The following DCDC2 variants were observed in gnomAD, a reference collection of about 807,000 sequenced individuals.
DCDC2 encodes doublecortin domain containing 2.
In DCDC2, 40 loss-of-function variants were observed where a neutral mutation model predicts 50.2. The observed-to-expected ratio is 0.80, with a 90% CI of 0.62 to 1.04. The LOEUF (loss-of-function observed/expected upper bound fraction) is 1.04, where lower values mean the gene tolerates loss of function less well. DCDC2 is among the 50% of genes least tolerant of loss of function. The pLI is 0.00. For synonymous variants in DCDC2, 234 were observed against 210.6 expected (o/e 1.11, Z -0.96); for missense variants, 570 against 581.9 (o/e 0.98, Z 0.21).
chr6:24,353,775 T>C (rs1008908121), intron 1 of DCDC2, 152 bp from the exon 2 acceptor site: 6 of 532,058 alleles, frequency 1.1e-5, no homozygotes, highest in Non-Finnish European at 2.0e-5. Context: ...GCAATTACAA[T>C]AGTAAAAACT....
chr6:24,359,686 C>T (rs1018856482), upstream of DCDC2, among the ~76,000 whole-genome samples: 2 of 148,664 alleles, frequency 1.3e-5, no homozygotes, highest in African/African-American at 2.5e-5. Context: ...CACTTGAGCC[C>T]GGGAGTTTGA....
intron 8 of DCDC2, among the ~76,000 whole-genome samples, chr6:24,204,639 T>A (rs1761668926): frequency 6.6e-6 from 1 of 152,136 alleles, no homozygotes; most frequent in Non-Finnish European, 1.5e-5. Flanking sequence ...TTTTTAAAAA[T>A]GCTTTTCTAA....
chr6:24,291,721 G>A (rs937655422), intron 4 of DCDC2, among the ~76,000 whole-genome samples: 351 of 151,890 alleles, frequency 2.3e-3, no homozygotes, highest in Non-Finnish European at 3.7e-3. Flanking sequence ...TCCTGACCTC[G>A]TGATCCGCCC....
intron 7 of DCDC2, among the ~76,000 whole-genome samples, chr6:24,261,194 C>A (rs1214354086): frequency 1.6e-5 from 2 of 128,620 alleles, no homozygotes; most frequent in East Asian, 5.2e-4. Flanking sequence ...ATTTTAAATC[C>A]ATTTTCTTGC....
At chr6:24,340,917 G>A (rs1760142541) in intron 2 of DCDC2, among the ~76,000 whole-genome samples, 2 of 152,074 alleles carry the variant, frequency 1.3e-5, no homozygotes, top group East Asian at 1.9e-4. Context: ...GTAGAGATAG[G>A]GTTTCATCAT....
At chr6:24,219,928 C>T (rs1762062081) in intron 7 of DCDC2, among the ~76,000 whole-genome samples, 1 of 152,196 alleles carries the variant, frequency 6.6e-6, no homozygotes, top group Admixed American at 6.5e-5. Flanking sequence ...CCAGAACTTG[C>T]TTCCGAGGAG....
intron 8 of DCDC2, among the ~76,000 whole-genome samples, chr6:24,197,683 G>A (rs1761477690): frequency 6.6e-6 from 1 of 152,180 alleles, no homozygotes; most frequent in Non-Finnish European, 1.5e-5. Flanking sequence ...GAAAATGCCT[G>A]TGGAATCATC....
intron 6 of DCDC2, among the ~76,000 whole-genome samples, chr6:24,287,986 G>A (rs374281160): frequency 3.6e-4 from 54 of 152,094 alleles, no homozygotes; most frequent in South Asian, 8.3e-4. Context: ...TGCTGAGTTC[G>A]GCACTACTTA....
intron 2 of DCDC2, among the ~76,000 whole-genome samples, chr6:24,314,633 T>G (rs1009696031): frequency 9.9e-5 from 15 of 152,160 alleles, no homozygotes; most frequent in African/African-American, 3.6e-4. Flanking sequence ...ATAGGAATCT[T>G]CTCATAACTG....
chr6:24,276,430 A>G (rs1763358715), intron 7 of DCDC2, among the ~76,000 whole-genome samples: 1 of 147,254 alleles, frequency 6.8e-6, no homozygotes, highest in Admixed American at 6.9e-5. Flanking sequence ...AAAAAAAATG[A>G]AAAGTTTAAG....
intron 8 of DCDC2, among the ~76,000 whole-genome samples, chr6:24,194,384 A>C (rs1470206576): frequency 1.3e-5 from 2 of 152,226 alleles, no homozygotes; most frequent in Non-Finnish European, 2.9e-5. Flanking sequence ...ACTTAGCATA[A>C]AAACATTTTT....
Position 24,201,265 on chromosome 6 carries a change from T to C in DCDC2, c.1023+3737A>G, listed in dbSNP as rs540478502. Among the ~76,000 whole-genome samples the C allele has an allele frequency of 1.7e-4, 26 of 152,278 alleles. 1 individual carries two copies. Among genetic ancestry groups the C allele is most frequent in the Admixed American group, 1.6e-3 (25 of 15,284 alleles). On this transcript the variant is annotated intron_variant, in intron 8 of 9. Coordinates refer to ENST00000378454, the MANE Select transcript of DCDC2 (RefSeq NM_016356.5). ...CACTTAATTGGAAGTAAAACACTCC[T>C]CAGCAAATGCAAAATAATGGAAATC... is the stretch of plus-strand genomic sequence containing the variant.
intron 7 of DCDC2, among the ~76,000 whole-genome samples, chr6:24,225,615 C>A (rs1416305435): frequency 6.6e-6 from 1 of 152,132 alleles, no homozygotes; most frequent in Admixed American, 6.5e-5. Flanking sequence ...TAACTCTTCA[C>A]TTAAATGGTA....
chr6:24,206,369 TGAAGGAAAGAAG>T (rs1761718544), intron 7 of DCDC2, among the ~76,000 whole-genome samples: 1 of 144,664 alleles, frequency 6.9e-6, no homozygotes, highest in Non-Finnish European at 1.5e-5. Context: ...GAGGAAGGAA[TGAAGGAAAGAAG>T]GAAGGAAGGA....
intron 8 of DCDC2, among the ~76,000 whole-genome samples, chr6:24,199,051 C>T (rs186383778): frequency 6.6e-5 from 10 of 152,358 alleles, no homozygotes; most frequent in Non-Finnish European, 1.3e-4. Context: ...TGGGACAGAG[C>T]ACCTGCGGGA....
chr6:24,311,302 C>G (rs544379979), intron 2 of DCDC2, among the ~76,000 whole-genome samples: 139 of 152,260 alleles, frequency 9.1e-4, no homozygotes, highest in African/African-American at 3.2e-3. Context: ...TTATACAATA[C>G]TTTTTATAAA....
chr6:24,213,669 T>G (rs1223963598), intron 7 of DCDC2, among the ~76,000 whole-genome samples: 1 of 152,156 alleles, frequency 6.6e-6, no homozygotes, highest in Admixed American at 6.5e-5. Context: ...CAGCATCTTG[T>G]TGAAAATTAA....
upstream of DCDC2, among the ~76,000 whole-genome samples, chr6:24,358,858 A>T (rs1561788347): frequency 5.9e-5 from 3 of 50,462 alleles, no homozygotes; most frequent in African/African-American, 8.1e-5. Flanking sequence ...TATTATATAT[A>T]ATATATATAA....
chr6:24,241,860 G>A (rs1762569175), intron 7 of DCDC2, among the ~76,000 whole-genome samples: 1 of 152,152 alleles, frequency 6.6e-6, no homozygotes, highest in Non-Finnish European at 1.5e-5. Flanking sequence ...CTTTTCAAAT[G>A]GAAAATACAA....
Sources: gnomAD v4.1 joint callset for allele counts (sites outside exome capture counted in the v4.1 genomes callset) on GRCh38, gnomAD v4.1.1 for gene constraint, MANE v1.5 for transcripts, NCBI Gene and HGNC (gene_info 2026-07-23, HGNC 2026-07-21) for gene names.